The following MAST4 variants were observed in gnomAD, a reference collection of about 807,000 sequenced individuals.
MAST4 encodes the protein microtubule associated serine/threonine kinase family member 4.
In MAST4, 89 loss-of-function variants were observed where a neutral mutation model predicts 162.7. The ratio of observed to expected loss-of-function variants is 0.55; its 90% CI spans 0.46 to 0.65. MAST4 has a LOEUF of 0.65. Among genes scored for constraint, MAST4 ranks in the 30% least tolerant of loss-of-function variants. MAST4 has a pLI of 0.00. For synonymous variants in MAST4, 1,479 were observed against 1,361.1 expected, an observed-to-expected ratio of 1.09 and a Z score of -1.91; for missense variants, 3,153 against 3,374.0, an observed-to-expected ratio of 0.93 and a Z score of 1.62.
At chr5:67,101,249 C>T (rs1764998617) in intron 8 of MAST4, among the ~76,000 whole-genome samples, 1 of 152,184 alleles carries the variant, frequency 6.6e-6, no homozygotes, top group Non-Finnish European at 1.5e-5. Context: ...GGGAGAAGTC[C>T]AGCAGCCTTA....
chr5:66,773,234 A>G (rs1754439184), intron 2 of MAST4, among the ~76,000 whole-genome samples: 1 of 152,200 alleles, frequency 6.6e-6, no homozygotes, highest in African/African-American at 2.4e-5. Flanking sequence ...AGTGTTTCTG[A>G]TATATTAATG....
At chr5:67,050,482 A>G (rs1401468569) in intron 4 of MAST4, among the ~76,000 whole-genome samples, 1 of 152,136 alleles carries the variant, frequency 6.6e-6, no homozygotes, top group Non-Finnish European at 1.5e-5. Flanking sequence ...TCATCAGAAC[A>G]TCTTTTCCCC....
At position 66,788,803 on chromosome 5, in the gene MAST4, C is replaced by A. The variant is rs562207724; in HGVS notation, c.642+9C>A. The A allele has an allele frequency of 7.7e-6, 12 of 1,551,966 alleles. No homozygotes were observed. The highest frequency in any genetic ancestry group is 1.4e-5 in the African/African-American group (1 of 72,588). ...CGCTCACCGCCAGCCTGGTGAGTGTCCGCGGGCGCCGGTGGAGGCTGCTCC... is the reference window on the plus strand; with the variant it reads ...CGCTCACCGCCAGCCTGGTGAGTGTACGCGGGCGCCGGTGGAGGCTGCTCC... On this transcript the variant is annotated intron_variant, in intron 3 of 28. Coordinates refer to ENST00000403625, the MANE Select transcript of MAST4 (RefSeq NM_001164664.2).
At chr5:67,156,159 G>A (rs569169326) in intron 26 of MAST4, among the ~76,000 whole-genome samples, 18 of 151,978 alleles carry the variant, frequency 1.2e-4, no homozygotes, top group Non-Finnish European at 8.8e-5. Context: ...GGGAATAAAC[G>A]CATGTAATCC....
intron 1 of MAST4, among the ~76,000 whole-genome samples, chr5:66,694,247 G>C (rs1252690643): frequency 6.6e-6 from 1 of 152,142 alleles, no homozygotes; most frequent in Non-Finnish European, 1.5e-5. Flanking sequence ...GAGGTATGAG[G>C]CTGTCTGGGA....
intron 6 of MAST4, 88 bp from the exon 7 acceptor site, chr5:67,095,509 T>C (rs1246636123): frequency 1.0e-6 from 1 of 960,782 alleles, no homozygotes; most frequent in East Asian, 2.6e-5. Context: ...TTTGTGTCAT[T>C]TGTTTGACTA....
intron 4 of MAST4, among the ~76,000 whole-genome samples, chr5:66,914,666 A>G (rs1763988065): frequency 1.3e-5 from 2 of 152,142 alleles, no homozygotes; most frequent in African/African-American, 4.8e-5. Flanking sequence ...TGATTGCTAC[A>G]TTGCCTGAGT....
rs563420885 is a variant in MAST4 at position 67,102,544 on chromosome 5, G to A, written c.1079G>A (p.Arg360His). 3.2e-5 allele frequency: 52 copies of A among 1,613,862 alleles called. No homozygotes were observed. The highest frequency in any genetic ancestry group is 8.0e-5 in the African/African-American group (6 of 75,028). The change falls in exon 9 of 29, where the codon CGT becomes CAT. Residue 360 changes from arginine to histidine, a missense_variant. Around this residue, in one of 7 missense-constraint regions of MAST4, gnomAD observed 360 missense variants for 450.0 expected, o/e 0.80. Transcript: ENST00000403625. ...RPRSRSLSPG[R>H]SPACCDHEII... is the part of the protein sequence containing the mutation. The stretch of plus-strand genomic sequence containing the variant: ...ATTTGCTTTGCTTGCAGCCCTGGAC[G>A]TTCTCCCGCCTGCTGTGACCATGAA...
intron 12 of MAST4, among the ~76,000 whole-genome samples, chr5:67,117,988 G>A (rs1052671084): frequency 6.6e-6 from 1 of 152,118 alleles, no homozygotes; most frequent in Non-Finnish European, 1.5e-5. Flanking sequence ...CATTTAATGA[G>A]CACTTAATTT....
intron 4 of MAST4, among the ~76,000 whole-genome samples, chr5:66,956,679 T>C (rs1304477593): frequency 2.9e-4 from 44 of 152,224 alleles, no homozygotes; most frequent in Non-Finnish European, 1.3e-4. Context: ...TTTGATGTGT[T>C]GTAATACATT....
At chr5:67,084,206 A>G (rs971402877) in intron 5 of MAST4, among the ~76,000 whole-genome samples, 1 of 152,202 alleles carries the variant, frequency 6.6e-6, no homozygotes, top group Non-Finnish European at 1.5e-5. Flanking sequence ...CTCATCAGTC[A>G]TTCCTTAGAA....
At chr5:66,869,656 T>C (rs1009804464) in intron 3 of MAST4, among the ~76,000 whole-genome samples, 1 of 152,162 alleles carries the variant, frequency 6.6e-6, no homozygotes, top group Admixed American at 6.5e-5. Flanking sequence ...GTCTTAAAAG[T>C]ATAGAGCTGT....
Position 67,029,412 on chromosome 5 carries a change from T to G in MAST4, c.675-24992T>G, listed in dbSNP as rs544718349. Among the ~76,000 whole-genome samples, 5 of 152,272 alleles carry G rather than the reference T, an allele frequency of 3.3e-5. No individual in the cohort carries two copies. In the South Asian group the frequency reaches 6.2e-4, roughly 19 times the overall value. The stretch of plus-strand genomic sequence containing the variant: ...ATATATGTTTTGTTTTACTTTGGAG[T>G]AATATTCGGGATGTAAACATCTTTG... On this transcript the variant is annotated intron_variant, in intron 4 of 28. Transcript: ENST00000403625.
intron 5 of MAST4, among the ~76,000 whole-genome samples, chr5:67,061,763 C>T (rs558210251): frequency 8.0e-5 from 12 of 150,102 alleles, no homozygotes; most frequent in Non-Finnish European, 1.8e-4. Flanking sequence ...CCTTTTCATA[C>T]TCTTAGTCTG....
intron 3 of MAST4, among the ~76,000 whole-genome samples, chr5:66,815,990 T>C (rs572075304): frequency 6.6e-6 from 1 of 152,286 alleles, no homozygotes; most frequent in South Asian, 2.1e-4. Context: ...AGTCATGTAA[T>C]GTCTTCAGTA....
intron 6 of MAST4, chr5:67,093,711 C>A: frequency 2.3e-6 from 1 of 434,810 alleles, no homozygotes; most frequent in South Asian, 1.6e-5. Context: ...AAAATATGTT[C>A]ATTGATAACT....
chr5:66,656,582 T>C (rs980516281), intron 1 of MAST4, among the ~76,000 whole-genome samples: 5 of 152,082 alleles, frequency 3.3e-5, no homozygotes, highest in Non-Finnish European at 7.4e-5. Flanking sequence ...ACTGTGGGGG[T>C]GGGACTCTAG....
intron 26 of MAST4, among the ~76,000 whole-genome samples, chr5:67,157,582 C>G (rs1772687860): frequency 6.6e-6 from 1 of 152,116 alleles, no homozygotes; most frequent in African/African-American, 2.4e-5. Context: ...TTTCCCTTAC[C>G]GCCACTCATT....
intron 3 of MAST4, among the ~76,000 whole-genome samples, chr5:66,865,063 A>C (rs25845): frequency 0.31 from 47,793 of 152,102 alleles, 7,842 homozygotes; most frequent in East Asian, 0.53. Flanking sequence ...AGGGTGAGAC[A>C]GTAATGTTGA....
Sources: allele counts gnomAD v4.1 joint callset (sites outside exome capture counted in the v4.1 genomes callset), GRCh38; gene constraint gnomAD v4.1.1; regional missense constraint gnomAD v4.1.1; transcripts MANE v1.5; gene names NCBI Gene and HGNC (gene_info 2026-07-23, HGNC 2026-07-21).